The following LPP variants were observed in gnomAD, a reference collection of about 807,000 sequenced individuals.
LPP encodes lipoma-preferred partner.
In LPP, 38 loss-of-function variants were observed where a neutral mutation model predicts 60.4. The observed-to-expected ratio is 0.63, with a 90% CI of 0.49 to 0.83. The LOEUF (loss-of-function observed/expected upper bound fraction) is 0.83. Ranked by LOEUF, LPP falls within the 40% of genes least tolerant of loss-of-function variation. LPP has a pLI of 0.00. For missense variants in LPP, 902 were observed against 783.6 expected (o/e 1.15, Z -1.80); for synonymous variants, 328 against 290.8 (o/e 1.13, Z -1.30).
intron 9 of LPP, among the ~76,000 whole-genome samples, chr3:188,823,503 G>A (rs1244567670): frequency 6.6e-6 from 1 of 152,032 alleles, no homozygotes; most frequent in Non-Finnish European, 1.5e-5. Context: ...CAAACACAAA[G>A]TCTATGTTGT....
intron 6 of LPP, among the ~76,000 whole-genome samples, chr3:188,539,851 A>G (rs1443325357): frequency 1.3e-5 from 2 of 152,084 alleles, no homozygotes; most frequent in East Asian, 1.9e-4. Flanking sequence ...TGATGCTAGG[A>G]TTTCATGGTA....
chr3:188,258,744 A>T (rs1254270699), intron 2 of LPP, among the ~76,000 whole-genome samples: 1 of 152,210 alleles, frequency 6.6e-6, no homozygotes, highest in Non-Finnish European at 1.5e-5. Flanking sequence ...TCACCGCATT[A>T]GGGGGCAGAA....
At chr3:188,193,123 C>T (rs1728625764) in intron 1 of LPP, among the ~76,000 whole-genome samples, 1 of 152,244 alleles carries the variant, frequency 6.6e-6, no homozygotes, top group South Asian at 2.1e-4. Flanking sequence ...TGAGATTTGG[C>T]CTGTCCTATA....
chr3:188,470,319 C>T (rs13068025), intron 4 of LPP, among the ~76,000 whole-genome samples: 102,419 of 148,770 alleles, frequency 0.69, 35,627 homozygotes, highest in Middle Eastern at 0.73. Context: ...CACACACACA[C>T]GCACACATAA....
chr3:188,486,813 C>T (rs973357609), intron 5 of LPP, among the ~76,000 whole-genome samples: 3 of 152,086 alleles, frequency 2.0e-5, no homozygotes, highest in Non-Finnish European at 4.4e-5. Context: ...AATGAGAGTC[C>T]TATAAAGTTT....
intron 10 of LPP, among the ~76,000 whole-genome samples, chr3:188,871,194 C>T (rs1768004914): frequency 6.6e-6 from 1 of 152,086 alleles, no homozygotes; most frequent in Admixed American, 6.6e-5. Flanking sequence ...AAAAGGAAAA[C>T]ATACTTCTGC....
intron 5 of LPP, among the ~76,000 whole-genome samples, chr3:188,498,526 T>A (rs775190372): frequency 2.0e-5 from 3 of 152,212 alleles, no homozygotes; most frequent in Non-Finnish European, 2.9e-5. Context: ...TGTCATGCTA[T>A]ATATATGTCA....
intron 2 of LPP, among the ~76,000 whole-genome samples, chr3:188,244,341 G>A (rs961702491): frequency 6.6e-6 from 1 of 152,206 alleles, no homozygotes; most frequent in African/African-American, 2.4e-5. Context: ...TGCATAGCTA[G>A]GAGTGGTAAG....
At chr3:188,719,945 C>T (rs1266782482) in intron 8 of LPP, among the ~76,000 whole-genome samples, 2 of 152,160 alleles carry the variant, frequency 1.3e-5, no homozygotes, top group East Asian at 3.9e-4. Flanking sequence ...CGTAGTCTTG[C>T]TCCGTCGCCC....
rs191420113 is a variant in LPP, at chr3:188,643,487, T to C, written c.1113+33643T>C. ...CCTTGCTGAAGACATATTATAAAAA[T>C]CTGAGAATGAGCATGTGTGAAGCTC... On this transcript the variant is annotated intron_variant, in intron 7 of 11. Transcript: ENST00000617246. Among the ~76,000 whole-genome samples, 516 of 152,290 alleles carry C rather than the reference T, an allele frequency of 3.4e-3. 3 individuals are homozygous for C. Among genetic ancestry groups the C allele is most frequent in the African/African-American group, 0.012 (492 of 41,558 alleles).
chr3:188,821,036 G>T (rs1403080643), intron 9 of LPP, among the ~76,000 whole-genome samples: 2 of 150,116 alleles, frequency 1.3e-5, no homozygotes, highest in Admixed American at 6.6e-5. Flanking sequence ...TCTCCCTTTT[G>T]TCCTGGTTAC....
intron 3 of LPP, among the ~76,000 whole-genome samples, chr3:188,389,132 T>C (rs1395066793): frequency 1.3e-5 from 2 of 152,116 alleles, no homozygotes; most frequent in Non-Finnish European, 2.9e-5. Context: ...TGTATGTGTG[T>C]GCGTATGTGT....
intron 1 of LPP, among the ~76,000 whole-genome samples, chr3:188,183,174 G>T: frequency 6.6e-6 from 1 of 152,180 alleles, no homozygotes; most frequent in African/African-American, 2.4e-5. Context: ...CTTGTCCTCG[G>T]ATCTCTGAGC....
chr3:188,482,388 T>C (rs890492889), intron 4 of LPP, among the ~76,000 whole-genome samples: 2 of 152,202 alleles, frequency 1.3e-5, no homozygotes, highest in African/African-American at 4.8e-5. Context: ...AAGCTCTCAT[T>C]GTGAGCACTG....
rs867251083 is a variant in LPP, at chr3:188,740,855, T to G, written c.1241-19258T>G. 7.2e-5 allele frequency among the ~76,000 whole-genome samples: 11 copies of G among 152,174 alleles called. No homozygotes were observed. The Middle Eastern group carries it at 0.014, about 188-fold the overall frequency. On this transcript the variant is annotated intron_variant, in intron 8 of 11. Coordinates refer to ENST00000617246, the MANE Select transcript of LPP (RefSeq NM_001375462.1). ...GGTTCCATCAAAAGTCAGGCATGAATTCTCATCTCCTGATAAAATGTGAAA... is the reference window on the plus strand; with the variant it reads ...GGTTCCATCAAAAGTCAGGCATGAAGTCTCATCTCCTGATAAAATGTGAAA...
At chr3:188,653,993 T>A (rs2149006938) in intron 7 of LPP, among the ~76,000 whole-genome samples, 1 of 152,322 alleles carries the variant, frequency 6.6e-6, no homozygotes, top group South Asian at 2.1e-4. Context: ...GCATCCCTTG[T>A]CCGCTGTGAC....
At chr3:188,431,190 CTG>C (rs1305795079) in intron 4 of LPP, among the ~76,000 whole-genome samples, 2 of 152,272 alleles carry the variant, frequency 1.3e-5, no homozygotes, top group Non-Finnish European at 2.9e-5. Context: ...ATCTGAGAAA[CTG>C]TGCCTATTTT....
At chr3:188,758,184 T>C (rs1173126101) in intron 8 of LPP, among the ~76,000 whole-genome samples, 4 of 152,192 alleles carry the variant, frequency 2.6e-5, no homozygotes, top group Non-Finnish European at 4.4e-5. Flanking sequence ...TGGTTTGAGA[T>C]GAAGTCTCGC....
At chr3:188,657,258 G>GTATATATATATATATACATA (rs1853442854) in intron 7 of LPP, among the ~76,000 whole-genome samples, 2 of 89,812 alleles carry the variant, frequency 2.2e-5, no homozygotes, top group Non-Finnish European at 4.3e-5. Context: ...CTGTCAAGGT[G>GTATATATATATATATACATA]TATATATATA....
Sources: allele counts gnomAD v4.1 joint callset (sites outside exome capture counted in the v4.1 genomes callset), GRCh38; gene constraint gnomAD v4.1.1; transcripts MANE v1.5; gene names NCBI Gene and HGNC (gene_info 2026-07-23, HGNC 2026-07-21).